Variants in CDHR2 observed in about 807,000 individuals in gnomAD.
CDHR2 encodes cadherin-related family member 2.
A neutral mutation model predicts 138.6 loss-of-function variants in CDHR2; 104 were observed. That is an observed-to-expected ratio of 0.75 (90% CI 0.64 to 0.88). The LOEUF (loss-of-function observed/expected upper bound fraction) is 0.88, where lower values mean the gene tolerates loss of function less well. Among genes scored for constraint, CDHR2 ranks in the 40% least tolerant of loss-of-function variants. CDHR2 has a pLI of 0.00. For synonymous variants in CDHR2, 755 were observed against 742.8 expected, an observed-to-expected ratio of 1.02 and a Z score of -0.27; for missense variants, 1,624 against 1,727.6, an observed-to-expected ratio of 0.94 and a Z score of 1.06.
intron 6 of CDHR2, among the ~76,000 whole-genome samples, chr5:176,571,522 CA>C (rs137966232): frequency 0.25 from 34,735 of 140,892 alleles, 4,144 homozygotes; most frequent in East Asian, 0.48. Context: ...GTGATGAAAG[CA>C]AAAAAAAAAA....
intron 30 of CDHR2, among the ~76,000 whole-genome samples, chr5:176,592,348 G>A (rs550736408): frequency 6.7e-6 from 1 of 149,320 alleles, no homozygotes; most frequent in South Asian, 2.2e-4. Flanking sequence ...GGTGGTGATG[G>A]TGATGGTAGT....
intron 3 of CDHR2, 44 bp from the exon 4 acceptor site, chr5:176,568,634 A>C: frequency 6.2e-7 from 1 of 1,606,264 alleles, no homozygotes. Flanking sequence ...ACCAGCACTG[A>C]AAGGGTGGCT....
chr5:176,578,697 C>T, intron 16 of CDHR2, 89 bp downstream of exon 16: 1 of 1,555,868 alleles, frequency 6.4e-7, no homozygotes. Flanking sequence ...AAAGTCGGGG[C>T]TCCGCTGTGT....
At position 176,584,887 on chromosome 5, in the gene CDHR2, C is replaced by T. The variant is rs766756342; in HGVS notation, c.2606C>T (p.Ala869Val). The change falls in exon 19 of 32, where the codon GCG (alanine) becomes GTG (valine). Residue 869 changes from alanine to valine, a missense_variant. Ala to Val is a moderately conservative substitution (Grantham distance 64). Around this residue, in one of 3 missense-constraint regions of CDHR2, gnomAD observed 7 missense variants for 25.4 expected, o/e 0.28. Coordinates refer to ENST00000261944, the MANE Select transcript of CDHR2 (RefSeq NM_017675.6). ...CTATGCTGGGGCTGGTTCTCAGTGG[C>T]GGCCAACGGCTCTGTGTACATCAAC... ...GSLCWGWFSV[A>V]ANGSVYINQS... 34 of 1,613,808 alleles carry T rather than the reference C, an allele frequency of 2.1e-5. No homozygotes were observed. Among genetic ancestry groups the T allele is most frequent in the South Asian group, 1.3e-4 (12 of 91,032 alleles).
intron 21 of CDHR2, among the ~76,000 whole-genome samples, chr5:176,588,593 ATGAG>A (rs1427585946): frequency 8.8e-5 from 10 of 113,316 alleles, no homozygotes; most frequent in Non-Finnish European, 1.5e-4. Flanking sequence ...GAGGGTGTGT[ATGAG>A]TGTGTGTGCA....
chr5:176,567,488 A>G (rs1758112162), intron 3 of CDHR2, among the ~76,000 whole-genome samples: 1 of 147,026 alleles, frequency 6.8e-6, no homozygotes, highest in Non-Finnish European at 1.5e-5. Context: ...CTAATTTTTT[A>G]TTTTTATATT....
chr5:176,558,382 A>ATTT (rs568355994), intron 1 of CDHR2, among the ~76,000 whole-genome samples: 1 of 120,708 alleles, frequency 8.3e-6, no homozygotes, highest in Non-Finnish European at 1.7e-5. Context: ...TGCCCAGCTA[A>ATTT]TTTTTTTTTT....
At chr5:176,590,828 G>A (rs2113331475) in intron 28 of CDHR2, 141 bp downstream of exon 28, 3 of 1,140,532 alleles carry the variant, frequency 2.6e-6, no homozygotes, top group Non-Finnish European at 3.8e-6. Flanking sequence ...GCGAGATCTT[G>A]GGTGAGTCAC....
intron 1 of CDHR2, among the ~76,000 whole-genome samples, chr5:176,550,927 G>A (rs1757689798): frequency 6.6e-6 from 1 of 152,200 alleles, no homozygotes; most frequent in South Asian, 2.1e-4. Flanking sequence ...GGTGGGACCA[G>A]TGAGGATTCC....
In CDHR2 at chr5:176,581,363, G is replaced by A. The variant is rs768198143; in HGVS notation, c.1839G>A (p.Pro613=). 3.0e-5 allele frequency: 49 copies of A among 1,613,522 alleles called. No homozygotes were observed. Among genetic ancestry groups the A allele is most frequent in the Non-Finnish European group, 3.8e-5 (45 of 1,180,014 alleles). Residue 613 remains proline, a synonymous_variant, in exon 17 of 32, where the codon CCG becomes CCA. Transcript: ENST00000261944. The part of the protein sequence containing the change: ...VTIQAHDNDE[P]GTNNSRLLFN... ...CACAGGCCCACGACAATGATGAGCC[G>A]GGCACCAACAACAGCCGTCTGCTCT...
intron 5 of CDHR2, 131 bp downstream of exon 5, chr5:176,569,141 T>C: frequency 1.5e-6 from 1 of 661,554 alleles, no homozygotes; most frequent in Non-Finnish European, 2.5e-6. Context: ...GAGATTATAC[T>C]AGTTCATTTC....
intron 2 of CDHR2, 66 bp from the exon 3 acceptor site, chr5:176,565,606 G>A: frequency 7.0e-6 from 10 of 1,423,152 alleles, no homozygotes; most frequent in Non-Finnish European, 9.8e-6. Context: ...TGTGCTCCCA[G>A]GGGAGCAGGT....
intron 27 of CDHR2, 38 bp downstream of exon 27, chr5:176,590,523 T>C (rs746117860): frequency 1.4e-5 from 22 of 1,613,890 alleles, no homozygotes; most frequent in Non-Finnish European, 1.9e-5. Context: ...GTGGGGCTGC[T>C]GAAGACGAGT....
chr5:176,588,944 C>T (rs1758762429), intron 21 of CDHR2, 87 bp from the exon 22 acceptor site: 5 of 1,446,198 alleles, frequency 3.5e-6, no homozygotes, highest in Non-Finnish European at 4.7e-6. Flanking sequence ...GCCAGCCTCC[C>T]AGGCCACCCT....
At chr5:176,586,318 C>G (rs910684917) in intron 20 of CDHR2, among the ~76,000 whole-genome samples, 3 of 152,250 alleles carry the variant, frequency 2.0e-5, no homozygotes, top group Non-Finnish European at 4.4e-5. Context: ...GCCTTAGCCT[C>G]CAGAGTAGCT....
intron 17 of CDHR2, among the ~76,000 whole-genome samples, chr5:176,583,766 G>A (rs896163913): frequency 6.6e-6 from 1 of 152,238 alleles, no homozygotes; most frequent in African/African-American, 2.4e-5. Flanking sequence ...GAGGGGACAA[G>A]GGAAAGTGTG....
At chr5:176,566,091 C>A (rs1405038074) in intron 3 of CDHR2, among the ~76,000 whole-genome samples, 5 of 151,240 alleles carry the variant, frequency 3.3e-5, no homozygotes, top group African/African-American at 1.2e-4. Context: ...CACTCCCACG[C>A]TGGCTTTTTT....
chr5:176,589,076 A>G lies in CDHR2; in HGVS notation c.2902A>G (p.Ile968Val), dbSNP rs1758765373. The G allele has an allele frequency of 6.2e-7, 1 of 1,614,066 alleles. No individual in the cohort carries two copies. Among genetic ancestry groups the G allele is most frequent in the African/African-American group, 1.3e-5 (1 of 75,020 alleles). The change falls in exon 22 of 32, where the codon ATC becomes GTC. Residue 968 changes from isoleucine to valine, a missense_variant. Transcript: ENST00000261944. The part of the protein sequence containing the change: ...SGNNGVILFS[I>V]LRVDFISKDG... ...GAACAATGGCGTCATCCTGTTCTCC[A>G]TCCTCCGAGTAGACTTCATCTCTAA...
At position 176,590,484 on chromosome 5, in the gene CDHR2, T is replaced by G. The variant is rs916359058; in HGVS notation, c.3413T>G (p.Leu1138Arg). The G allele has an allele frequency of 1.9e-6, 3 of 1,613,756 alleles. No homozygotes were observed. The African/African-American group carries it at 4.0e-5, about 22-fold the overall frequency. ...TQLLQLGLVV[L>R]GSQESQESDL... The stretch of plus-strand genomic sequence containing the variant: ...CTGCTGCAGCTGGGGCTGGTGGTGC[T>G]GGTGAGTGCGGGCAGGGCGGGGCAG... Residue 1138 changes from leucine to arginine, a missense_variant and splice_region_variant, in exon 27 of 32, where the codon CTG (leucine) becomes CGG (arginine). Physicochemically the swap from Leu to Arg is moderately radical, Grantham distance 102. This residue lies in a region of CDHR2 where 556 missense variants were observed against 565.7 expected (regional missense o/e 0.98). Coordinates refer to ENST00000261944, the MANE Select transcript of CDHR2 (RefSeq NM_017675.6).
Sources: gnomAD v4.1 joint callset for allele counts (sites outside exome capture counted in the v4.1 genomes callset) on GRCh38, gnomAD v4.1.1 for gene constraint, gnomAD v4.1.1 regional missense constraint, MANE v1.5 for transcripts, NCBI Gene and HGNC (gene_info 2026-07-23, HGNC 2026-07-21) for gene names.